The following DUS2 variants were observed in gnomAD, a reference collection of about 807,000 sequenced individuals.
DUS2 encodes the protein dihydrouridine synthase 2.
DUS2 carries 52 observed loss-of-function variants against 71.3 expected under a neutral mutation model. That is an observed-to-expected ratio of 0.73 (90% CI 0.58 to 0.92). The LOEUF is 0.92. Ranked by LOEUF, DUS2 falls within the 40% of genes least tolerant of loss-of-function variation. The probability of loss-of-function intolerance (pLI) is 0.00; values close to 1 mark genes in which losing one functional copy is unlikely to be tolerated. For synonymous variants in DUS2, 204 were observed against 227.8 expected (o/e 0.90, Z 0.94); for missense variants, 558 against 622.6 (o/e 0.90, Z 1.10).
In DUS2 at chr16:68,037,415, C is replaced by CT. The variant is rs945193739; in HGVS notation, c.-18-572dup. Among the ~76,000 whole-genome samples the CT allele has an allele frequency of 7.5e-3, 989 of 131,736 alleles. 10 individuals are homozygous for CT. Among genetic ancestry groups the CT allele is most frequent in the African/African-American group, 0.019 (673 of 36,052 alleles). The allele number at this position is 131,736 out of a possible 152,430, so 86.4% of individuals were successfully genotyped here. Reference sequence around the variant, plus strand: ...CCTGGCCAATGTGGTGAAACTCCATCTTTTTTTTTTTTTTTTTTTGAGATG... The same window carrying CT: ...CCTGGCCAATGTGGTGAAACTCCATCTTTTTTTTTTTTTTTTTTTTGAGATG... On this transcript the variant is annotated intron_variant, in intron 2 of 16. Coordinates refer to ENST00000565263, the MANE Select transcript of DUS2 (RefSeq NM_017803.5).
At chr16:68,068,073 T>C (rs1024135796) in intron 10 of DUS2, among the ~76,000 whole-genome samples, 1 of 152,208 alleles carries the variant, frequency 6.6e-6, no homozygotes, top group Non-Finnish European at 1.5e-5. Flanking sequence ...AGAGCTGAGG[T>C]TCTGAAGGCC....
intron 2 of DUS2, among the ~76,000 whole-genome samples, chr16:68,025,752 TA>T (rs1304831063): frequency 6.6e-6 from 1 of 152,152 alleles, no homozygotes; most frequent in Non-Finnish European, 1.5e-5. Flanking sequence ...TTTTCTGAGA[TA>T]TTTTTATAAG....
intron 2 of DUS2, among the ~76,000 whole-genome samples, chr16:68,031,406 G>A (rs1301387394): frequency 1.3e-5 from 2 of 150,482 alleles, no homozygotes; most frequent in Non-Finnish European, 1.5e-5. Context: ...CTCGTGATCC[G>A]CCTGCCTTGG....
intron 7 of DUS2, 142 bp downstream of exon 7, chr16:68,056,566 C>G (rs754186721): frequency 7.7e-6 from 5 of 647,806 alleles, no homozygotes; most frequent in Non-Finnish European, 1.3e-5. Context: ...GTTAGATGAA[C>G]TGACAACATT....
intron 9 of DUS2, 53 bp from the exon 10 acceptor site, chr16:68,066,513 C>T (rs1416571054): frequency 6.2e-6 from 10 of 1,601,884 alleles, no homozygotes; most frequent in Non-Finnish European, 8.6e-6. Context: ...TAGGAGGCAG[C>T]AGCTGCTCCT....
At chr16:68,049,299 A>G (rs747371954) in intron 3 of DUS2, among the ~76,000 whole-genome samples, 3 of 152,190 alleles carry the variant, frequency 2.0e-5, no homozygotes, top group Admixed American at 6.5e-5. Context: ...TTTCCTGGGA[A>G]GGACAGCTAA....
At chr16:68,055,888 C>T (rs1219031994) in intron 6 of DUS2, among the ~76,000 whole-genome samples, 7 of 150,544 alleles carry the variant, frequency 4.6e-5, no homozygotes, top group African/African-American at 1.5e-4. Context: ...TACCAGAGGA[C>T]GGAGTGAGGA....
In DUS2 at chr16:68,071,158, C is replaced by T. The variant is rs1049118079; in HGVS notation, c.810+50C>T. 1.9e-6 allele frequency: 3 copies of T among 1,596,234 alleles called. No individual in the cohort carries two copies. The African/African-American group carries it at 4.0e-5, about 21-fold the overall frequency. On this transcript the variant is annotated intron_variant, in intron 12 of 16. Coordinates refer to ENST00000565263, the MANE Select transcript of DUS2 (RefSeq NM_017803.5). The stretch of plus-strand genomic sequence containing the variant: ...CAAGCATTTCTCACTGTCTACCACA[C>T]TCCTGCAGAGAGCACTTTGTGTGAG...
At chr16:68,045,068 C>T (rs1291390879) in intron 3 of DUS2, among the ~76,000 whole-genome samples, 2 of 152,192 alleles carry the variant, frequency 1.3e-5, no homozygotes, top group African/African-American at 4.8e-5. Flanking sequence ...GCTGGAATTA[C>T]AGGCGTGAGC....
intron 3 of DUS2, among the ~76,000 whole-genome samples, chr16:68,042,968 A>G (rs897933272): frequency 1.3e-5 from 2 of 152,050 alleles, no homozygotes; most frequent in Non-Finnish European, 2.9e-5. Flanking sequence ...TCAGCCTCCC[A>G]AAGTGCTGGG....
rs924038757 is a variant in DUS2, at chr16:68,034,194, G to T, written c.-18-3812G>T. 1.9e-4 allele frequency among the ~76,000 whole-genome samples: 29 copies of T among 151,422 alleles called. 2 individuals are homozygous for T. Among genetic ancestry groups the T allele is most frequent in the Non-Finnish European group, 1.5e-5 (1 of 67,830 alleles). ...AGTGATCTCACCTCAGCCTCCCTAG[G>T]AGCTGGTACTACAGGCATGCACTAC... is the stretch of plus-strand genomic sequence containing the variant. On this transcript the variant is annotated intron_variant, in intron 2 of 16. Transcript: ENST00000565263.
intron 2 of DUS2, among the ~76,000 whole-genome samples, chr16:68,026,363 T>A (rs1031475200): frequency 6.6e-6 from 1 of 152,168 alleles, no homozygotes; most frequent in Non-Finnish European, 1.5e-5. Context: ...ATGAAGCACT[T>A]TGGGAATTGC....
chr16:68,035,884 T>TTATATATATA (rs71145987), intron 2 of DUS2, among the ~76,000 whole-genome samples: 80 of 113,268 alleles, frequency 7.1e-4, no homozygotes, highest in African/African-American at 2.8e-3. Context: ...CCCGCTAATT[T>TTATATATATA]TATATATATA....
At chr16:68,071,208 T>C in intron 12 of DUS2, 100 bp downstream of exon 12, 8 of 1,328,134 alleles carry the variant, frequency 6.0e-6, no homozygotes, top group Non-Finnish European at 8.4e-6. Context: ...CTGTGCTTGC[T>C]GTTCCTCTCC....
intron 1 of DUS2, chr16:68,023,999 G>A (rs1170046696): frequency 6.0e-6 from 1 of 166,446 alleles, no homozygotes; most frequent in African/African-American, 2.4e-5. Context: ...CCTACAAAGT[G>A]ATCAAGTACG....
At chr16:68,033,108 T>C (rs1472188467) in intron 2 of DUS2, among the ~76,000 whole-genome samples, 1 of 152,022 alleles carries the variant, frequency 6.6e-6, no homozygotes, top group Non-Finnish European at 1.5e-5. Context: ...GGAGTGGTAT[T>C]ATCAGAGTTG....
chr16:68,074,160 G>A lies in DUS2; in HGVS notation c.932+5G>A, dbSNP rs1343460704. 1.9e-6 allele frequency: 3 copies of A among 1,614,044 alleles called. No homozygotes were observed. The South Asian group carries it at 3.3e-5, about 18-fold the overall frequency. On this transcript the variant is annotated splice_donor_5th_base_variant and intron_variant, in intron 13 of 16. Coordinates refer to ENST00000565263, the MANE Select transcript of DUS2 (RefSeq NM_017803.5). ...CCAGTCTTCCCGGGAAATTTGGTAA[G>A]AGGCACAATAAGATGTCCATCTGTC...
rs373281928 is a variant in DUS2 at position 68,061,109 on chromosome 16, A to T, written c.413A>T (p.Glu138Val). ...AALLSDPDKI[E>V]KILSTLVKGT... ...CTGCTGTCAGACCCTGACAAGATTG[A>T]GAAGGTAAGTCCTCCACGAGTGAAA... The change falls in exon 8 of 17, where the codon GAG becomes GTG. Residue 138 changes from glutamate (E) to valine (V), a missense_variant. Physicochemically the swap from Glu to Val is moderately radical, Grantham distance 121 (BLOSUM62 -2). Coordinates refer to ENST00000565263, the MANE Select transcript of DUS2 (RefSeq NM_017803.5). 7 of 1,613,976 alleles carry T rather than the reference A, an allele frequency of 4.3e-6. No homozygotes were observed. The African/African-American group carries it at 9.3e-5, about 22-fold the overall frequency.
chr16:68,045,214 A>G (rs1000263589), intron 3 of DUS2, among the ~76,000 whole-genome samples: 2 of 152,164 alleles, frequency 1.3e-5, no homozygotes, highest in African/African-American at 4.8e-5. Context: ...GACCTTGCTG[A>G]ACTTGTTTAT....
Sources: gnomAD v4.1 joint callset for allele counts (sites outside exome capture counted in the v4.1 genomes callset) on GRCh38, gnomAD v4.1.1 for gene constraint, MANE v1.5 for transcripts, NCBI Gene and HGNC (gene_info 2026-07-23, HGNC 2026-07-21) for gene names.